The following COL11A2 variants were observed in gnomAD, a reference collection of about 807,000 sequenced individuals.
COL11A2 encodes the protein collagen type XI alpha 2 chain, also known as collagen alpha-2(XI) chain.
In COL11A2, 116 loss-of-function variants were observed where a neutral mutation model predicts 273.4. That is an observed-to-expected ratio of 0.42 (90% CI 0.36 to 0.49). The LOEUF is 0.49. Ranked by LOEUF, COL11A2 falls within the 20% of genes least tolerant of loss-of-function variation. The probability of loss-of-function intolerance (pLI) is 0.00; values close to 1 mark genes in which losing one functional copy is unlikely to be tolerated. For missense variants in COL11A2, 1,866 were observed against 2,309.0 expected (o/e 0.81, Z 3.93); for synonymous variants, 782 against 864.2 (o/e 0.90, Z 1.67).
chr6:33,177,257 C>T lies in COL11A2; in HGVS notation c.1972-32G>A, dbSNP rs1046778071. 4 of 1,612,720 alleles carry T rather than the reference C, an allele frequency of 2.5e-6. No individual in the cohort carries two copies. In the African/African-American group the frequency reaches 4.0e-5, roughly 16 times the overall value. On this transcript the variant is annotated intron_variant, in intron 23 of 65. Transcript: ENST00000341947. The surrounding 1 kb of genome is among the most constrained non-coding windows in gnomAD (Gnocchi z 5.9). ...ACAGGGAAAGAGAAGTCACAGGGGCCTCCCAGGGTCTCTTCTATCCAGCCT... is the reference window on the plus strand; with the variant it reads ...ACAGGGAAAGAGAAGTCACAGGGGCTTCCCAGGGTCTCTTCTATCCAGCCT...
chr6:33,163,579 TAGATAGTGAGGAGCC>T lies in COL11A2; in HGVS notation c.*84_*98del. 6.3e-7 allele frequency: 1 copy of T among 1,576,778 alleles called. No homozygotes were observed. The highest frequency in any genetic ancestry group is 8.7e-7 in the Non-Finnish European group (1 of 1,147,420). On this transcript the variant is annotated 3_prime_UTR_variant, in exon 66 of 66. Transcript: ENST00000341947. This position sits in a 1 kb window ranked among gnomAD's most constrained non-coding sequence, Gnocchi z 4.1. ...CTCCACGCCCTGGCCCAGGGCTCCC[TAGATAGTGAGGAGCC>T]CTCTTGGGAGGTGGCACAGAGCTGA...
Position 33,176,557 on chromosome 6 carries a change from G to T in COL11A2, c.2116-71C>A. ...ACTGTGGGGGCCTCCAGGGGTGGAA[G>T]AAATGGAAGTAACAACATTGCTGTC... is the stretch of plus-strand genomic sequence containing the variant. On this transcript the variant is annotated intron_variant, in intron 26 of 65. Coordinates refer to ENST00000341947, the MANE Select transcript of COL11A2 (RefSeq NM_080680.3). The surrounding 1 kb of genome is among the most constrained non-coding windows in gnomAD (Gnocchi z 4.9). 6.8e-7 allele frequency: 1 copy of T among 1,476,194 alleles called. No homozygotes were observed. Among genetic ancestry groups the T allele is most frequent in the Non-Finnish European group, 9.4e-7 (1 of 1,058,506 alleles). The allele number at this position is 1,476,194 out of a possible 1,614,324, so 91.4% of individuals were successfully genotyped here.
Position 33,180,996 on chromosome 6 carries a change from C to G in COL11A2, c.1189G>C (p.Val397Leu), listed in dbSNP as rs148250300. 1.4e-5 allele frequency: 22 copies of G among 1,614,004 alleles called. No individual in the cohort carries two copies. In the African/African-American group the frequency reaches 2.7e-4, roughly 20 times the overall value. Residue 397 changes from valine to leucine, a missense_variant, in exon 10 of 66, where the codon GTG (valine) becomes CTG (leucine). By Grantham distance (32) the Val-to-Leu change is conservative. Transcript: ENST00000341947. ...CCTTCTGGGCCAGGGGGCCCCTCCACGAGCATACCCTGTGGAGTCAAAGGT... is the reference window on the plus strand; with the variant it reads ...CCTTCTGGGCCAGGGGGCCCCTCCAGGAGCATACCCTGTGGAGTCAAAGGT... ...EPAVLEPGMLVEGPPGPEGPA... is the reference protein window; with the variant it reads ...EPAVLEPGMLLEGPPGPEGPA...
At chr6:33,168,626 C>G (rs1484111634) in intron 53 of COL11A2, 54 bp from the exon 54 acceptor site, 1 of 1,606,874 alleles carries the variant, frequency 6.2e-7, no homozygotes, top group Admixed American at 1.7e-5. Context: ...CCAAGGGACC[C>G]CTCAGGAGTG....
Position 33,170,140 on chromosome 6 carries a change from G to A in COL11A2, c.3583-40C>T. The A allele has an allele frequency of 6.2e-7, 1 of 1,612,696 alleles. No individual in the cohort carries two copies. Among genetic ancestry groups the A allele is most frequent in the Non-Finnish European group, 8.5e-7 (1 of 1,179,676 alleles). ...GAAATAGGTGTCATTGCTTAGGATGGAGGTGCCATTTCAGGGGCAAAGTCC... is the reference window on the plus strand; with the variant it reads ...GAAATAGGTGTCATTGCTTAGGATGAAGGTGCCATTTCAGGGGCAAAGTCC... On this transcript the variant is annotated intron_variant, in intron 48 of 65. Transcript: ENST00000341947. This position sits in a 1 kb window ranked among gnomAD's most constrained non-coding sequence, Gnocchi z 4.3.
At chr6:33,171,372 G>A (rs763047286) in intron 43 of COL11A2, 48 bp from the exon 44 acceptor site, 1 of 1,612,800 alleles carries the variant, frequency 6.2e-7, no homozygotes, top group East Asian at 2.2e-5. Context: ...GATGGGTAGA[G>A]TGGGAAGGAT....
rs1241624463 is a variant in COL11A2, at chr6:33,178,880, T to G, written c.1665+40A>C. On this transcript the variant is annotated intron_variant, in intron 17 of 65. Coordinates refer to ENST00000341947, the MANE Select transcript of COL11A2 (RefSeq NM_080680.3). This position sits in a 1 kb window ranked among gnomAD's most constrained non-coding sequence, Gnocchi z 4.6. ...AGAAACAACTGAGCCCAGCGTGGGC[T>G]GAAGGCTACAGGCTTCAGGGAGGGG... The G allele has an allele frequency of 2.5e-6, 4 of 1,613,234 alleles. No individual in the cohort carries two copies. In the Admixed American group the frequency reaches 6.7e-5, roughly 27 times the overall value.
chr6:33,168,638 G>A (rs1245574656), intron 53 of COL11A2, 66 bp from the exon 54 acceptor site: 1 of 1,601,588 alleles, frequency 6.2e-7, no homozygotes, highest in Non-Finnish European at 8.5e-7. Flanking sequence ...TCAGGAGTGG[G>A]GCACAGAAGA....
intron 6 of COL11A2, 134 bp from the exon 7 acceptor site, chr6:33,185,188 G>A: frequency 1.4e-6 from 1 of 726,184 alleles, no homozygotes; most frequent in Non-Finnish European, 2.5e-6. Context: ...GGAAATCTCA[G>A]ATCTTGCAGC....
rs202191908 is a variant in COL11A2 at position 33,164,358 on chromosome 6, C to T, written c.4979G>A (p.Arg1660His). The change falls in exon 65 of 66, where the codon CGT becomes CAT. Residue 1660 changes from arginine (R) to histidine (H), a missense_variant. Transcript: ENST00000341947. This position sits in a 1 kb window ranked among gnomAD's most constrained non-coding sequence, Gnocchi z 4.7. ...CCCACGGAGTCTCAGGGGACCGTCA[C>T]GGGCTGCTCCAGAGCAGGGGTAGGA... ...DVSYPCSGAARDGPLRLRGAN... is the reference protein window; with the variant it reads ...DVSYPCSGAAHDGPLRLRGAN... 5.6e-5 allele frequency: 91 copies of T among 1,612,548 alleles called. 1 individual carries two copies. The East Asian group carries it at 1.9e-3, about 34-fold the overall frequency.
intron 8 of COL11A2, among the ~76,000 whole-genome samples, chr6:33,181,778 AC>A (rs1771772076): frequency 6.7e-6 from 1 of 150,082 alleles, no homozygotes. Context: ...GAGCCACCAC[AC>A]CTGGCCCCTT....
Position 33,166,394 on chromosome 6 carries a change from TG to T in COL11A2, c.4392+118del. On this transcript the variant is annotated intron_variant, in intron 60 of 65. Coordinates refer to ENST00000341947, the MANE Select transcript of COL11A2 (RefSeq NM_080680.3). The surrounding 1 kb of genome is among the most constrained non-coding windows in gnomAD (Gnocchi z 4.8). ...GAGGTACTGGTGGTGACAGGACAAA[TG>T]GGGGACCCTGAGGACTATGCTTGTT... The T allele has an allele frequency of 7.5e-7, 1 of 1,337,972 alleles. No homozygotes were observed. The highest frequency in any genetic ancestry group is 1.0e-6 in the Non-Finnish European group (1 of 962,636). The allele number at this position is 1,337,972 out of a possible 1,614,324, so 82.9% of individuals were successfully genotyped here. A position where few individuals can be genotyped will look rare whatever the true frequency, so the allele number is the denominator to read the frequency against.
At position 33,169,002 on chromosome 6, in the gene COL11A2, C is replaced by T. The variant is rs1238840339; in HGVS notation, c.3805G>A (p.Val1269Ile). ...DDGPKGNPGP[V>I]GFPGDPGPPG... The stretch of plus-strand genomic sequence containing the variant: ...GGGCCAGGGTCACCAGGAAAACCAA[C>T]AGGACCCTGATCCAGATGGAGAATA... The change falls in exon 52 of 66, where the codon GTT (valine) becomes ATT (isoleucine). Residue 1269 changes from valine (V) to isoleucine (I), a missense_variant. Physicochemically the swap from Val to Ile is conservative, Grantham distance 29. Transcript: ENST00000341947. The surrounding 1 kb of genome is among the most constrained non-coding windows in gnomAD (Gnocchi z 5.5). 6.2e-7 allele frequency: 1 copy of T among 1,608,028 alleles called. No homozygotes were observed. The highest frequency in any genetic ancestry group is 1.3e-5 in the African/African-American group (1 of 74,742).
chr6:33,166,990 A>G lies in COL11A2; in HGVS notation c.4230+80T>C. The G allele has an allele frequency of 6.3e-7, 1 of 1,588,956 alleles. No individual in the cohort carries two copies. ...GGCTGCCGGAGGCCTGAAGCAGAGC[A>G]GTGGGCACTTGGGTCCCACAGGTTT... is the stretch of plus-strand genomic sequence containing the variant. On this transcript the variant is annotated intron_variant, in intron 58 of 65. Coordinates refer to ENST00000341947, the MANE Select transcript of COL11A2 (RefSeq NM_080680.3). The surrounding 1 kb of genome is among the most constrained non-coding windows in gnomAD (Gnocchi z 4.8).
rs1380742344 is a variant in COL11A2 at position 33,166,327 on chromosome 6, G to A, written c.4393-121C>T. The A allele has an allele frequency of 2.3e-6, 3 of 1,326,200 alleles. No individual in the cohort carries two copies. The highest frequency in any genetic ancestry group is 1.4e-5 in the South Asian group (1 of 72,660). The allele number at this position is 1,326,200 out of a possible 1,614,324, so 82.2% of individuals were successfully genotyped here. ...GGGTTACTACAGGAGGGGCAGTCTT[G>A]TGGGAATACTAGGACATTCAGAGCC... is the stretch of plus-strand genomic sequence containing the variant. On this transcript the variant is annotated intron_variant, in intron 60 of 65. Coordinates refer to ENST00000341947, the MANE Select transcript of COL11A2 (RefSeq NM_080680.3). The surrounding 1 kb of genome is among the most constrained non-coding windows in gnomAD (Gnocchi z 4.8).
In COL11A2 at chr6:33,176,923, G is replaced by A; in HGVS notation, c.2070+69C>T. 1 of 1,563,220 alleles carries A rather than the reference G, an allele frequency of 6.4e-7. No individual in the cohort carries two copies. The highest frequency in any genetic ancestry group is 1.1e-5 in the South Asian group (1 of 86,962). On this transcript the variant is annotated intron_variant, in intron 25 of 65. Transcript: ENST00000341947. This position sits in a 1 kb window ranked among gnomAD's most constrained non-coding sequence, Gnocchi z 4.9. The stretch of plus-strand genomic sequence containing the variant: ...CCTTTCAGTGCAAGGGTCACTAAAG[G>A]AGCTCTGAGGTCATGCACTGGGGTG...
Position 33,180,663 on chromosome 6 carries a change from C to T in COL11A2, c.1284+5G>A, listed in dbSNP as rs751564207. 6.2e-7 allele frequency: 1 copy of T among 1,604,940 alleles called. No individual in the cohort carries two copies. The highest frequency in any genetic ancestry group is 1.7e-5 in the Admixed American group (1 of 58,942). On this transcript the variant is annotated splice_donor_5th_base_variant and intron_variant, in intron 11 of 65. Coordinates refer to ENST00000341947, the MANE Select transcript of COL11A2 (RefSeq NM_080680.3). ...TCCCCCGTCACATGGAGGACACCCC[C>T]TTACCCTCTCTCCAGGGTCTCCAAC...
In COL11A2 at chr6:33,189,104, G is replaced by A. The variant is rs575597368; in HGVS notation, c.317C>T (p.Ala106Val). ...LQAPLLTLYS[A>V]QGVRQLGLEL... ...CAGGCCCAGCTGTCGGACACCCTGG[G>A]CACTGTAGAGAGTCAGGAGGGGAGC... Residue 106 changes from alanine to valine, a missense_variant, in exon 3 of 66, where the codon GCC becomes GTC. Ala to Val is a moderately conservative substitution (Grantham distance 64). Coordinates refer to ENST00000341947, the MANE Select transcript of COL11A2 (RefSeq NM_080680.3). The surrounding 1 kb of genome is among the most constrained non-coding windows in gnomAD (Gnocchi z 5.6). 5 of 1,614,160 alleles carry A rather than the reference G, an allele frequency of 3.1e-6. No homozygotes were observed. In the African/African-American group the frequency reaches 6.7e-5, roughly 22 times the overall value.
At position 33,166,354 on chromosome 6, in the gene COL11A2, TG is replaced by T; in HGVS notation, c.4393-149del. On this transcript the variant is annotated intron_variant, in intron 60 of 65. Coordinates refer to ENST00000341947, the MANE Select transcript of COL11A2 (RefSeq NM_080680.3). This position sits in a 1 kb window ranked among gnomAD's most constrained non-coding sequence, Gnocchi z 4.8. ...GGGAATACTAGGACATTCAGAGCCC[TG>T]GAAGTATGGGGAGGAGGTACTGGTG... is the stretch of plus-strand genomic sequence containing the variant. 1.6e-6 allele frequency: 2 copies of T among 1,280,634 alleles called. No homozygotes were observed. Among genetic ancestry groups the T allele is most frequent in the Non-Finnish European group, 2.2e-6 (2 of 923,894 alleles). 79.3% of individuals were successfully genotyped at this position (1,280,634 alleles called of 1,614,324 possible).
Sources: gnomAD v4.1 joint callset for allele counts (sites outside exome capture counted in the v4.1 genomes callset) on GRCh38, gnomAD v4.1.1 for gene constraint, Gnocchi (gnomAD v3.1) non-coding constraint, MANE v1.5 for transcripts, NCBI Gene and HGNC (gene_info 2026-07-23, HGNC 2026-07-21) for gene names.